The following PDHB variants were observed in gnomAD, a reference collection of about 807,000 sequenced individuals.
PDHB encodes the protein pyruvate dehydrogenase E1 component subunit beta, mitochondrial.
PDHB carries 17 observed loss-of-function variants against 42.8 expected under a neutral mutation model. The observed-to-expected ratio is 0.40, with a 90% CI of 0.27 to 0.60. The LOEUF (loss-of-function observed/expected upper bound fraction) is 0.60, where lower values mean the gene tolerates loss of function less well. Among genes scored for constraint, PDHB ranks in the 20% least tolerant of loss-of-function variants. PDHB has a pLI of 0.46. For missense variants in PDHB, 322 were observed against 451.3 expected, an observed-to-expected ratio of 0.71 and a Z score of 2.60; for synonymous variants, 154 against 148.7, an observed-to-expected ratio of 1.04 and a Z score of -0.26.
chr3:58,433,533 G>A (rs1013454382), intron 2 of PDHB, 98 bp downstream of exon 2: 10 of 1,338,146 alleles, frequency 7.5e-6, no homozygotes, highest in African/African-American at 7.3e-5. Flanking sequence ...AAGGCCCACG[G>A]CGCCGGAAGG....
At chr3:58,433,710 G>A (rs2062944340) in intron 1 of PDHB, 26 bp from the exon 2 acceptor site, 1 of 1,612,636 alleles carries the variant, frequency 6.2e-7, no homozygotes, top group Non-Finnish European at 8.5e-7. Context: ...GAAGATGACG[G>A]CGGGACGCAG....
rs773139051 is a variant in PDHB, at chr3:58,430,155, T to C, written c.673A>G (p.Ile225Val). 2 of 1,610,592 alleles carry C rather than the reference T, an allele frequency of 1.2e-6. No individual in the cohort carries two copies. The highest frequency in any genetic ancestry group is 1.7e-6 in the Non-Finnish European group (2 of 1,177,066). Reference sequence around the variant, plus strand: ...TGCCTTTCTATTTTGGCTTTTCCAATAGGAATCAGAAAATCTTTTGACTGA... The same window carrying C: ...TGCCTTTCTATTTTGGCTTTTCCAACAGGAATCAGAAAATCTTTTGACTGA... ...EAQSKDFLIPIGKAKIERQGT... is the reference protein window; with the variant it reads ...EAQSKDFLIPVGKAKIERQGT... Residue 225 changes from isoleucine (I) to valine (V), a missense_variant, in exon 7 of 10, where the codon ATT (isoleucine) becomes GTT (valine). Ile to Val is a conservative substitution (Grantham distance 29). This residue lies in a region of PDHB where 208 missense variants were observed against 285.0 expected (regional missense o/e 0.73). Coordinates refer to ENST00000302746, the MANE Select transcript of PDHB (RefSeq NM_000925.4).
At chr3:58,430,964 T>C in intron 5 of PDHB, 22 bp from the exon 6 acceptor site, 1 of 1,613,114 alleles carries the variant, frequency 6.2e-7, no homozygotes, top group Non-Finnish European at 8.5e-7. Context: ...AAAACGTGGA[T>C]GTTAAAAAGA....
In PDHB at chr3:58,428,573, G is replaced by C; in HGVS notation, c.834C>G (p.Thr278=). The C allele has an allele frequency of 6.2e-7, 1 of 1,613,570 alleles. No individual in the cohort carries two copies. The highest frequency in any genetic ancestry group is 2.2e-5 in the East Asian group (1 of 44,888). The change falls in exon 9 of 10, where the codon ACC becomes ACG. Residue 278 remains threonine, a synonymous_variant. Coordinates refer to ENST00000302746, the MANE Select transcript of PDHB (RefSeq NM_000925.4). ...TTGTCTTCATGACACTGGCTTCTAT[G>C]GTTTCCATGTCCATTGGTCTAATGG... ...MRTIRPMDME[T]IEASVMKTNH...
Position 58,431,282 on chromosome 3 carries a change from C to G in PDHB, c.303+311G>C. The G allele has an allele frequency of 2.1e-6, 1 of 465,496 alleles. No homozygotes were observed. Among genetic ancestry groups the G allele is most frequent in the Non-Finnish European group, 3.9e-6 (1 of 256,014 alleles). The allele number at this position is 465,496 out of a possible 1,614,324, so 28.8% of individuals were successfully genotyped here. ...ATCTCTTTGGGGATGGGCACAGTGG[C>G]TCACGCCTGTAATCCCAGCACTTTG... On this transcript the variant is annotated intron_variant, in intron 5 of 9. Coordinates refer to ENST00000302746, the MANE Select transcript of PDHB (RefSeq NM_000925.4). This position sits in a 1 kb window ranked among gnomAD's most constrained non-coding sequence, Gnocchi z 4.4.
At position 58,431,535 on chromosome 3, in the gene PDHB, GA is replaced by G; in HGVS notation, c.303+57del. On this transcript the variant is annotated intron_variant, in intron 5 of 9. Coordinates refer to ENST00000302746, the MANE Select transcript of PDHB (RefSeq NM_000925.4). This position sits in a 1 kb window ranked among gnomAD's most constrained non-coding sequence, Gnocchi z 4.4. The stretch of plus-strand genomic sequence containing the variant: ...AACAGAGTGAGACTCTGTCTCAAAA[GA>G]AAAAAAAAGAAAACAAGAAATGTCT... The G allele has an allele frequency of 6.5e-5, 89 of 1,368,356 alleles. No homozygotes were observed. The highest frequency in any genetic ancestry group is 8.1e-5 in the Non-Finnish European group (78 of 963,280). 84.8% of individuals were successfully genotyped at this position (1,368,356 alleles called of 1,614,324 possible). A position where few individuals can be genotyped will look rare whatever the true frequency, so the allele number is the denominator to read the frequency against.
rs2062893552 is a variant in PDHB, at chr3:58,428,582, G to A, written c.825C>T (p.Asp275=). 2 of 1,613,418 alleles carry A rather than the reference G, an allele frequency of 1.2e-6. No individual in the cohort carries two copies. Among genetic ancestry groups the A allele is most frequent in the Admixed American group, 1.7e-5 (1 of 60,026 alleles). Reference sequence around the variant, plus strand: ...TGACACTGGCTTCTATGGTTTCCATGTCCATTGGTCTAATGGTACGCATAT... The same window carrying A: ...TGACACTGGCTTCTATGGTTTCCATATCCATTGGTCTAATGGTACGCATAT... ...VINMRTIRPM[D]METIEASVMK... is the part of the protein sequence containing the mutation. The change falls in exon 9 of 10, where the codon GAC becomes GAT. Residue 275 remains aspartate (D), a synonymous_variant. Transcript: ENST00000302746.
In PDHB at chr3:58,431,489, C is replaced by T. The variant is rs1226808037; in HGVS notation, c.303+104G>A. On this transcript the variant is annotated intron_variant, in intron 5 of 9. Coordinates refer to ENST00000302746, the MANE Select transcript of PDHB (RefSeq NM_000925.4). This position sits in a 1 kb window ranked among gnomAD's most constrained non-coding sequence, Gnocchi z 4.4. ...CTTGAACCTGGAAGCTGAGATGGTG[C>T]CAGTGCACTCCAGGCTGGACAACAG... 1 of 889,916 alleles carries T rather than the reference C, an allele frequency of 1.1e-6. No homozygotes were observed. Among genetic ancestry groups the T allele is most frequent in the East Asian group, 2.4e-5 (1 of 41,518 alleles). The allele number at this position is 889,916 out of a possible 1,614,324, so 55.1% of individuals were successfully genotyped here. A position where few individuals can be genotyped will look rare whatever the true frequency, so the allele number is the denominator to read the frequency against.
chr3:58,432,260 T>TA, intron 2 of PDHB: 1 of 448,888 alleles, frequency 2.2e-6, no homozygotes, highest in Non-Finnish European at 4.1e-6. Context: ...TAATGAATGG[T>TA]AAAATCTAGT....
Position 58,431,542 on chromosome 3 carries a change from AAAG to A in PDHB, c.303+48_303+50del, listed in dbSNP as rs778048353. The A allele has an allele frequency of 9.5e-6, 14 of 1,466,852 alleles. No homozygotes were observed. Among genetic ancestry groups the A allele is most frequent in the African/African-American group, 1.4e-5 (1 of 72,042 alleles). The allele number at this position is 1,466,852 out of a possible 1,614,324, so 90.9% of individuals were successfully genotyped here. ...TGAGACTCTGTCTCAAAAGAAAAAA[AAAG>A]AAAACAAGAAATGTCTTTGGATAAG... On this transcript the variant is annotated intron_variant, in intron 5 of 9. Coordinates refer to ENST00000302746, the MANE Select transcript of PDHB (RefSeq NM_000925.4). The surrounding 1 kb of genome is among the most constrained non-coding windows in gnomAD (Gnocchi z 4.4).
intron 2 of PDHB, 172 bp from the exon 3 acceptor site, chr3:58,432,156 T>C: frequency 1.5e-6 from 1 of 652,986 alleles, no homozygotes; most frequent in East Asian, 2.8e-5. Context: ...TACACATAGT[T>C]GGTCTTTGCA....
chr3:58,432,229 G>A lies in PDHB; in HGVS notation c.97-245C>T, dbSNP rs991867427. 17 of 517,636 alleles carry A rather than the reference G, an allele frequency of 3.3e-5. No individual in the cohort carries two copies. The South Asian group carries it at 3.4e-4, about 10-fold the overall frequency. 32.1% of individuals were successfully genotyped at this position (517,636 alleles called of 1,614,324 possible). A position where few individuals can be genotyped will look rare whatever the true frequency, so the allele number is the denominator to read the frequency against. On this transcript the variant is annotated intron_variant, in intron 2 of 9. Coordinates refer to ENST00000302746, the MANE Select transcript of PDHB (RefSeq NM_000925.4). ...CTGCCAAATACTTTGCATCCAGAAT[G>A]TAGGAGTTGCTCTTTTAATATAATG... is the stretch of plus-strand genomic sequence containing the variant.
chr3:58,430,256 T>A lies in PDHB; in HGVS notation c.590-18A>T, dbSNP rs753535352. The A allele has an allele frequency of 4.0e-6, 6 of 1,490,626 alleles. No homozygotes were observed. The highest frequency in any genetic ancestry group is 1.7e-5 in the Admixed American group (1 of 59,362). The allele number at this position is 1,490,626 out of a possible 1,614,324, so 92.3% of individuals were successfully genotyped here. On this transcript the variant is annotated intron_variant, in intron 6 of 9. Coordinates refer to ENST00000302746, the MANE Select transcript of PDHB (RefSeq NM_000925.4). Reference sequence around the variant, plus strand: ...CACCACCACTGAAAAACATAAATATTTAAACAAAAGTAATTAATCACATCC... The same window carrying A: ...CACCACCACTGAAAAACATAAATATATAAACAAAAGTAATTAATCACATCC...
rs185973684 is a variant in PDHB, at chr3:58,428,801, G to A, written c.793-187C>T. ...AAAATTTTAATTAAAACAAAGATCT[G>A]TATGTCTACCACAAGCAGCTCTGTG... On this transcript the variant is annotated intron_variant, in intron 8 of 9. Transcript: ENST00000302746. The A allele has an allele frequency of 3.1e-5, 19 of 609,004 alleles. No individual in the cohort carries two copies. In the African/African-American group the frequency reaches 3.3e-4, roughly 11 times the overall value. The allele number at this position is 609,004 out of a possible 1,614,324, so 37.7% of individuals were successfully genotyped here.
rs2062944942 is a variant in PDHB at position 58,433,765 on chromosome 3, T to C, written c.42+3A>G. Reference sequence around the variant, plus strand: ...GGAATACAGGCCGCGCGCTGCTGCCTACCTCCCGAAGGGGTCTCCGCACCA... The same window carrying C: ...GGAATACAGGCCGCGCGCTGCTGCCCACCTCCCGAAGGGGTCTCCGCACCA... On this transcript the variant is annotated splice_donor_region_variant and intron_variant, in intron 1 of 9. Transcript: ENST00000302746. 3 of 1,612,442 alleles carry C rather than the reference T, an allele frequency of 1.9e-6. No homozygotes were observed. The highest frequency in any genetic ancestry group is 2.2e-5 in the South Asian group (2 of 90,900).
chr3:58,433,499 G>A lies in PDHB; in HGVS notation c.96+132C>T, dbSNP rs903527200. On this transcript the variant is annotated intron_variant, in intron 2 of 9. Coordinates refer to ENST00000302746, the MANE Select transcript of PDHB (RefSeq NM_000925.4). ...GCGACAGAGGCAGCAGGAGCTCCAC[G>A]GAGGATGCTGGCTCCGCAAACCCAA... 19 of 958,558 alleles carry A rather than the reference G, an allele frequency of 2.0e-5. No homozygotes were observed. The Admixed American group carries it at 2.2e-4, about 11-fold the overall frequency. 59.4% of individuals were successfully genotyped at this position (958,558 alleles called of 1,614,324 possible).
At position 58,430,665 on chromosome 3, in the gene PDHB, T is replaced by C; in HGVS notation, c.581A>G (p.Asn194Ser). The C allele has an allele frequency of 1.9e-6, 3 of 1,613,460 alleles. No homozygotes were observed. Among genetic ancestry groups the C allele is most frequent in the Non-Finnish European group, 2.5e-6 (3 of 1,179,956 alleles). Residue 194 changes from asparagine (N) to serine (S), a missense_variant, in exon 6 of 10, where the codon AAC (asparagine) becomes AGC (serine). Around this residue, in one of 3 missense-constraint regions of PDHB, gnomAD observed 208 missense variants for 285.0 expected, o/e 0.73. Transcript: ENST00000302746. ...AGGGTCCCTGTGCTGACCTGGATTGTTATCCCGAATGGCTGATTTAATAAG... is the reference window on the plus strand; with the variant it reads ...AGGGTCCCTGTGCTGACCTGGATTGCTATCCCGAATGGCTGATTTAATAAG... ...KGLIKSAIRD[N>S]NPVVVLENEL... is the part of the protein sequence containing the mutation.
At chr3:58,428,939 C>A in intron 8 of PDHB, 1 of 304,940 alleles carries the variant, frequency 3.3e-6, no homozygotes, top group Non-Finnish European at 6.2e-6. Context: ...ACTGCCACCC[C>A]CGCCTTCCCA....
rs1126735 is a variant in PDHB at position 58,427,681 on chromosome 3, A to T, written c.*353T>A. The T allele has an allele frequency of 2.5e-6, 1 of 401,346 alleles. No individual in the cohort carries two copies. Among genetic ancestry groups the T allele is most frequent in the South Asian group, 1.8e-5 (1 of 54,768 alleles). The allele number at this position is 401,346 out of a possible 1,614,324, so 24.9% of individuals were successfully genotyped here. ...ATCAAAACAAACTAACAGTAAATGT[A>T]TATTATATGCTTTAATTTTATACAT... On this transcript the variant is annotated 3_prime_UTR_variant, in exon 10 of 10. Coordinates refer to ENST00000302746, the MANE Select transcript of PDHB (RefSeq NM_000925.4).
Sources: allele counts gnomAD v4.1 joint callset, GRCh38; gene constraint gnomAD v4.1.1; regional missense constraint gnomAD v4.1.1; non-coding constraint Gnocchi (gnomAD v3.1); transcripts MANE v1.5; gene names NCBI Gene and HGNC (gene_info 2026-07-23, HGNC 2026-07-21).